Variants in CFAP299 observed in about 807,000 individuals in gnomAD.
CFAP299 encodes cilia and flagella associated protein 299.
A neutral mutation model predicts 27.0 loss-of-function variants in CFAP299; 21 were observed. The observed-to-expected ratio is 0.78, with a 90% CI of 0.55 to 1.12. The LOEUF (loss-of-function observed/expected upper bound fraction) is 1.12, where lower values mean the gene tolerates loss of function less well. Among genes scored for constraint, CFAP299 ranks in the 50% most tolerant of loss-of-function variants. The pLI, the probability that CFAP299 is intolerant of heterozygous loss-of-function variation, is 0.00. For synonymous variants in CFAP299, 104 were observed against 98.1 expected (o/e 1.06, Z -0.36); for missense variants, 310 against 276.6 (o/e 1.12, Z -0.86).
chr4:80,677,716 C>A (rs1719558974), intron 3 of CFAP299, among the ~76,000 whole-genome samples: 1 of 151,880 alleles, frequency 6.6e-6, no homozygotes, highest in East Asian at 1.9e-4. Flanking sequence ...TATTTTTTTA[C>A]TTTAATTTTC....
chr4:80,369,042 G>A (rs961453769), intron 2 of CFAP299, among the ~76,000 whole-genome samples: 3 of 152,196 alleles, frequency 2.0e-5, no homozygotes, highest in Non-Finnish European at 2.9e-5. Context: ...TCTCAGCACA[G>A]TGGAGAGCTC....
intron 3 of CFAP299, among the ~76,000 whole-genome samples, chr4:80,674,944 A>G (rs1219931029): frequency 1.3e-5 from 2 of 152,112 alleles, no homozygotes; most frequent in Non-Finnish European, 2.9e-5. Context: ...CAAGGTTTTT[A>G]GCTTCCTTGC....
At chr4:80,630,989 G>T (rs1577954812) in intron 3 of CFAP299, among the ~76,000 whole-genome samples, 1 of 151,950 alleles carries the variant, frequency 6.6e-6, no homozygotes, top group African/African-American at 2.4e-5. Context: ...ATTAAAATTA[G>T]AAAGCATAAA....
intron 1 of CFAP299, among the ~76,000 whole-genome samples, chr4:80,349,259 T>G (rs1022848499): frequency 2.6e-5 from 4 of 152,216 alleles, no homozygotes; most frequent in African/African-American, 9.6e-5. Flanking sequence ...CCTTTCTAAA[T>G]GTATTACAAA....
intron 4 of CFAP299, among the ~76,000 whole-genome samples, chr4:80,903,239 G>A (rs1735016187): frequency 6.6e-6 from 1 of 152,004 alleles, no homozygotes; most frequent in Admixed American, 6.6e-5. Flanking sequence ...ATGAGCTGTT[G>A]TTCTTACCCA....
chr4:80,547,666 A>G (rs900067010), intron 2 of CFAP299, among the ~76,000 whole-genome samples: 3 of 152,154 alleles, frequency 2.0e-5, no homozygotes, highest in Non-Finnish European at 2.9e-5. Context: ...AAGGAACTTA[A>G]ACAAATCAGC....
intron 3 of CFAP299, among the ~76,000 whole-genome samples, chr4:80,606,585 A>G (rs1049333617): frequency 1.3e-5 from 2 of 152,216 alleles, no homozygotes; most frequent in Non-Finnish European, 2.9e-5. Flanking sequence ...ATATAGATAC[A>G]AAGAGATGTA....
At chr4:80,602,472 A>G (rs1737406481) in intron 3 of CFAP299, among the ~76,000 whole-genome samples, 1 of 152,208 alleles carries the variant, frequency 6.6e-6, no homozygotes, top group African/African-American at 2.4e-5. Context: ...CCAAAGTTCA[A>G]GAGAACTAAT....
At chr4:80,651,420 C>G (rs548782161) in intron 3 of CFAP299, among the ~76,000 whole-genome samples, 9 of 148,720 alleles carry the variant, frequency 6.1e-5, no homozygotes, top group Non-Finnish European at 1.2e-4. Flanking sequence ...GGCTTGACTG[C>G]AGTGGCACGA....
intron 2 of CFAP299, among the ~76,000 whole-genome samples, chr4:80,366,430 A>G (rs1269566772): frequency 6.6e-6 from 1 of 152,170 alleles, no homozygotes; most frequent in African/African-American, 2.4e-5. Flanking sequence ...GTATATTTTG[A>G]TTAGGGATGT....
At chr4:80,630,585 A>G (rs1178940192) in intron 3 of CFAP299, among the ~76,000 whole-genome samples, 3 of 152,084 alleles carry the variant, frequency 2.0e-5, no homozygotes, top group Admixed American at 2.0e-4. Context: ...GTGGCAACTA[A>G]TGCTAATTTT....
intron 3 of CFAP299, among the ~76,000 whole-genome samples, chr4:80,725,085 C>G (rs990370535): frequency 6.7e-6 from 1 of 149,154 alleles, no homozygotes; most frequent in African/African-American, 2.5e-5. Context: ...GCTGGGACTA[C>G]AGGCATGCAC....
At chr4:80,603,916 T>C (rs996892785) in intron 3 of CFAP299, among the ~76,000 whole-genome samples, 6 of 152,312 alleles carry the variant, frequency 3.9e-5, no homozygotes, top group South Asian at 2.1e-4. Context: ...GGCCCTTATT[T>C]GTTTTTCTGC....
intron 4 of CFAP299, among the ~76,000 whole-genome samples, chr4:80,940,334 AC>A: frequency 6.6e-6 from 1 of 152,140 alleles, no homozygotes; most frequent in East Asian, 1.9e-4. Context: ...CCTCTTGGGT[AC>A]CATTCCATAA....
intron 2 of CFAP299, among the ~76,000 whole-genome samples, chr4:80,457,400 C>G (rs891605389): frequency 6.6e-6 from 1 of 152,086 alleles, no homozygotes; most frequent in South Asian, 2.1e-4. Context: ...GAGGGTGAGG[C>G]CATGTGCCAC....
In CFAP299 at chr4:80,622,608, C is replaced by G. The variant is rs562176266; in HGVS notation, c.333+39425C>G. On this transcript the variant is annotated intron_variant, in intron 3 of 5. Transcript: ENST00000358105. The stretch of plus-strand genomic sequence containing the variant: ...TGTTTCTAATAATAACTTTGCATTT[C>G]TCACTCAGATAGCAAAATGGGTTTA... 2.8e-4 allele frequency among the ~76,000 whole-genome samples: 42 copies of G among 152,106 alleles called. No homozygotes were observed. In the South Asian group the frequency reaches 8.1e-3, roughly 29 times the overall value.
chr4:80,683,620 T>A (rs1365584234), intron 3 of CFAP299, among the ~76,000 whole-genome samples: 1 of 152,226 alleles, frequency 6.6e-6, no homozygotes, highest in Non-Finnish European at 1.5e-5. Flanking sequence ...ATATGTTTAC[T>A]ACTTAACTGC....
intron 3 of CFAP299, among the ~76,000 whole-genome samples, chr4:80,754,656 A>C (rs2110073492): frequency 6.6e-6 from 1 of 152,174 alleles, no homozygotes; most frequent in East Asian, 1.9e-4. Flanking sequence ...GAAGAGCTTG[A>C]GAACGAGTAT....
At chr4:80,751,646 A>G (rs1724932191) in intron 3 of CFAP299, among the ~76,000 whole-genome samples, 1 of 152,038 alleles carries the variant, frequency 6.6e-6, no homozygotes, top group African/African-American at 2.4e-5. Context: ...GTTGTGGGGC[A>G]CTCTTTCTCA....
Sources: gnomAD v4.1 joint callset for allele counts (sites outside exome capture counted in the v4.1 genomes callset) on GRCh38, gnomAD v4.1.1 for gene constraint, MANE v1.5 for transcripts, NCBI Gene and HGNC (gene_info 2026-07-23, HGNC 2026-07-21) for gene names.